Variants in RNF225 observed in about 807,000 individuals in gnomAD.
The protein encoded by RNF225 is ring finger protein 225.
For synonymous variants in RNF225, 295 were observed against 260.4 expected (o/e 1.13, Z -1.28); for missense variants, 510 against 509.8 (o/e 1.00, Z 0.00).
rs13343526 is a variant in RNF225 at position 58,396,783 on chromosome 19, C to G, written c.694C>G (p.Pro232Ala). The change falls in exon 1 of 1, where the codon CCG becomes GCG. Residue 232 changes from proline (P) to alanine (A), a missense_variant. Physicochemically the swap from Pro to Ala is conservative, Grantham distance 27. Transcript: ENST00000601382. ...CCCGCACGCCACCTCCTCCGGCCCCCCGCGGCCCCAGCTCGTGGCGCTCGC... is the reference window on the plus strand; with the variant it reads ...CCCGCACGCCACCTCCTCCGGCCCCGCGCGGCCCCAGCTCGTGGCGCTCGC... ...LIPHATSSGP[P>A]RPQLVALAPA... 1,333,055 of 1,514,604 alleles carry G rather than the reference C, an allele frequency of 0.88. 587,622 individuals carry two copies. Among genetic ancestry groups the G allele is most frequent in the East Asian group, 0.91 (34,559 of 37,998 alleles). 93.8% of individuals were successfully genotyped at this position (1,514,604 alleles called of 1,614,324 possible). A position where few individuals can be genotyped will look rare whatever the true frequency, so the allele number is the denominator to read the frequency against.
chr19:58,395,987 A>AC lies in RNF225; in HGVS notation c.-102dup. On this transcript the variant is annotated 5_prime_UTR_variant, in exon 1 of 1. Coordinates refer to ENST00000601382, the MANE Select transcript of RNF225 (RefSeq NM_001195135.2). ...TGTACTGGGGGATCCTCTCTAAAGTACAGTCCCCAGTCTTCCCTGGATTCC... is the reference window on the plus strand; with the variant it reads ...TGTACTGGGGGATCCTCTCTAAAGTACCAGTCCCCAGTCTTCCCTGGATTCC... The AC allele has an allele frequency of 5.1e-6, 6 of 1,176,848 alleles. No homozygotes were observed. The South Asian group carries it at 9.6e-5, about 19-fold the overall frequency. 72.9% of individuals were successfully genotyped at this position (1,176,848 alleles called of 1,614,324 possible).
rs941784099 is a variant in RNF225, at chr19:58,396,257, G to T, written c.168G>T (p.Leu56=). Residue 56 remains leucine (L), a synonymous_variant, in exon 1 of 1, where the codon CTG becomes CTT. Coordinates refer to ENST00000601382, the MANE Select transcript of RNF225 (RefSeq NM_001195135.2). ...GCAGCCCAGGCTCCGGCCCTATCCT[G>T]CCCCCCGCCTCCCCGGTGGAGTGCC... is the stretch of plus-strand genomic sequence containing the variant. ...GDGSPGSGPI[L]PPASPVECLI... The T allele has an allele frequency of 2.0e-5, 30 of 1,536,778 alleles. No individual in the cohort carries two copies. Among genetic ancestry groups the T allele is most frequent in the South Asian group, 2.4e-5 (2 of 84,134 alleles).
Position 58,395,959 on chromosome 19 carries a change from C to T in RNF225, c.-131C>T. 2 of 913,246 alleles carry T rather than the reference C, an allele frequency of 2.2e-6. No homozygotes were observed. Among genetic ancestry groups the T allele is most frequent in the Non-Finnish European group, 3.1e-6 (2 of 637,342 alleles). 56.6% of individuals were successfully genotyped at this position (913,246 alleles called of 1,614,324 possible). ...GCTACACCCTTCTCGGGATGGGGTG[C>T]TCTGTACTGGGGGATCCTCTCTAAA... On this transcript the variant is annotated 5_prime_UTR_variant, in exon 1 of 1. Transcript: ENST00000601382.
Position 58,396,734 on chromosome 19 carries a change from G to A in RNF225, c.645G>A (p.Ser215=). 2 of 1,505,614 alleles carry A rather than the reference G, an allele frequency of 1.3e-6. No individual in the cohort carries two copies. The highest frequency in any genetic ancestry group is 2.9e-5 in the African/African-American group (2 of 68,790). 93.3% of individuals were successfully genotyped at this position (1,505,614 alleles called of 1,614,324 possible). A position where few individuals can be genotyped will look rare whatever the true frequency, so the allele number is the denominator to read the frequency against. ...TGGTGGCCGCGGGCCTCGTGGTCTC[G>A]GGCGTCTACATCTTCTTCCTCATCC... ...AVLVAAGLVV[S]GVYIFFLIPH... Residue 215 remains serine, a synonymous_variant, in exon 1 of 1, where the codon TCG becomes TCA. Coordinates refer to ENST00000601382, the MANE Select transcript of RNF225 (RefSeq NM_001195135.2).
Position 58,395,745 on chromosome 19 carries a change from G to C in RNF225, c.-345G>C, listed in dbSNP as rs1287108812. Among the ~76,000 whole-genome samples, 3 of 148,374 alleles carry C rather than the reference G, an allele frequency of 2.0e-5. No homozygotes were observed. Among genetic ancestry groups the C allele is most frequent in the Admixed American group, 6.6e-5 (1 of 15,120 alleles). On this transcript the variant is annotated 5_prime_UTR_variant, in exon 1 of 1. Transcript: ENST00000601382. The stretch of plus-strand genomic sequence containing the variant: ...GCTGGCTGCGGTCTGTCATTACTCT[G>C]TGGGGGGTGCCTATCTCTGCTCCTC...
At position 58,397,075 on chromosome 19, in the gene RNF225, A is replaced by G. The variant is rs2052405818; in HGVS notation, c.986A>G (p.Gln329Arg). The change falls in exon 1 of 1, where the codon CAA (glutamine) becomes CGA (arginine). Residue 329 changes from glutamine (Q) to arginine (R), a missense_variant. Physicochemically the swap from Gln to Arg is conservative, Grantham distance 43. Transcript: ENST00000601382. ...PRGARRLWGS[Q>R] ...GGCGCGAGGAGGCTGTGGGGCTCAC[A>G]ATAAGTGCGCCAGTACTGCAGTCCT... 1.3e-6 allele frequency: 2 copies of G among 1,516,256 alleles called. No individual in the cohort carries two copies. The highest frequency in any genetic ancestry group is 2.5e-5 in the East Asian group (1 of 40,152). 93.9% of individuals were successfully genotyped at this position (1,516,256 alleles called of 1,614,324 possible). A position where few individuals can be genotyped will look rare whatever the true frequency, so the allele number is the denominator to read the frequency against.
In RNF225 at chr19:58,396,703, C is replaced by A; in HGVS notation, c.614C>A (p.Ala205Glu). Residue 205 changes from alanine (A) to glutamate (E), a missense_variant, in exon 1 of 1, where the codon GCG becomes GAG. Ala to Glu is a moderately radical substitution (Grantham distance 107). Transcript: ENST00000601382. ...AWVFNAAVALAVLVAAGLVVS... is the reference protein window; with the variant it reads ...AWVFNAAVALEVLVAAGLVVS... ...GTCTTCAACGCTGCCGTGGCGCTGGCGGTGCTGGTGGCCGCGGGCCTCGTG... is the reference window on the plus strand; with the variant it reads ...GTCTTCAACGCTGCCGTGGCGCTGGAGGTGCTGGTGGCCGCGGGCCTCGTG... The A allele has an allele frequency of 2.7e-6, 4 of 1,495,982 alleles. No homozygotes were observed. In the South Asian group the frequency reaches 3.7e-5, roughly 14 times the overall value. 92.7% of individuals were successfully genotyped at this position (1,495,982 alleles called of 1,614,324 possible). A position where few individuals can be genotyped will look rare whatever the true frequency, so the allele number is the denominator to read the frequency against.
Position 58,396,522 on chromosome 19 carries a change from G to C in RNF225, c.433G>C (p.Gly145Arg), listed in dbSNP as rs2052400747. The change falls in exon 1 of 1, where the codon GGC becomes CGC. Residue 145 changes from glycine (G) to arginine (R), a missense_variant. Coordinates refer to ENST00000601382, the MANE Select transcript of RNF225 (RefSeq NM_001195135.2). Reference sequence around the variant, plus strand: ...CGCGCGCGCACCGCCCTCTCGCCAGGGCTCCGTGCGCTTCGACCGGCGCCG... The same window carrying C: ...CGCGCGCGCACCGCCCTCTCGCCAGCGCTCCGTGCGCTTCGACCGGCGCCG... ...RDARAPPSRQ[G>R]SVRFDRRRGL... 1 of 1,231,208 alleles carries C rather than the reference G, an allele frequency of 8.1e-7. No homozygotes were observed. The highest frequency in any genetic ancestry group is 1.0e-6 in the Non-Finnish European group (1 of 986,892). The allele number at this position is 1,231,208 out of a possible 1,614,324, so 76.3% of individuals were successfully genotyped here.
Position 58,395,668 on chromosome 19 carries a change from C to G in RNF225, c.-422C>G, listed in dbSNP as rs559712259. Among the ~76,000 whole-genome samples the G allele has an allele frequency of 6.6e-5, 10 of 152,112 alleles. No homozygotes were observed. The East Asian group carries it at 1.9e-3, about 29-fold the overall frequency. On this transcript the variant is annotated 5_prime_UTR_variant, in exon 1 of 1. Coordinates refer to ENST00000601382, the MANE Select transcript of RNF225 (RefSeq NM_001195135.2). Reference sequence around the variant, plus strand: ...CTGGCAGGCCAGGAACAGACAGGGACACGCCACTGGCCAGAGGGAGGAGGC... The same window carrying G: ...CTGGCAGGCCAGGAACAGACAGGGAGACGCCACTGGCCAGAGGGAGGAGGC...
In RNF225 at chr19:58,396,541, G is replaced by A. The variant is rs1476471574; in HGVS notation, c.452G>A (p.Arg151Gln). ...CGCCAGGGCTCCGTGCGCTTCGACCGGCGCCGCGGCCTTCTCTACCTGCGG... is the reference window on the plus strand; with the variant it reads ...CGCCAGGGCTCCGTGCGCTTCGACCAGCGCCGCGGCCTTCTCTACCTGCGG... ...PSRQGSVRFD[R>Q]RRGLLYLRPP... is the part of the protein sequence containing the mutation. The change falls in exon 1 of 1, where the codon CGG becomes CAG. Residue 151 changes from arginine to glutamine, a missense_variant. Coordinates refer to ENST00000601382, the MANE Select transcript of RNF225 (RefSeq NM_001195135.2). 8 of 1,174,508 alleles carry A rather than the reference G, an allele frequency of 6.8e-6. No individual in the cohort carries two copies. The highest frequency in any genetic ancestry group is 8.4e-6 in the Non-Finnish European group (8 of 953,130). 72.8% of individuals were successfully genotyped at this position (1,174,508 alleles called of 1,614,324 possible). A position where few individuals can be genotyped will look rare whatever the true frequency, so the allele number is the denominator to read the frequency against.
Position 58,397,060 on chromosome 19 carries a change from G to T in RNF225, c.971G>T (p.Arg324Met). Residue 324 changes from arginine to methionine, a missense_variant, in exon 1 of 1, where the codon AGG becomes ATG. Transcript: ENST00000601382. Reference protein sequence around the residue: ...GWAPWPRGARRLWGSQ With the variant: ...GWAPWPRGARMLWGSQ ...GCCCCGTGGCCACGGGGCGCGAGGAGGCTGTGGGGCTCACAATAAGTGCGC... is the reference window on the plus strand; with the variant it reads ...GCCCCGTGGCCACGGGGCGCGAGGATGCTGTGGGGCTCACAATAAGTGCGC... The T allele has an allele frequency of 6.6e-7, 1 of 1,522,280 alleles. No homozygotes were observed. The highest frequency in any genetic ancestry group is 8.8e-7 in the Non-Finnish European group (1 of 1,141,886). The allele number at this position is 1,522,280 out of a possible 1,614,324, so 94.3% of individuals were successfully genotyped here. A position where few individuals can be genotyped will look rare whatever the true frequency, so the allele number is the denominator to read the frequency against.
chr19:58,396,031 G>A lies in RNF225; in HGVS notation c.-59G>A, dbSNP rs889785301. ...GGATTCCCTGCTGGTCTCAGAACCC[G>A]CTCCAGGCTCCACCGCCTCCTTCCC... is the stretch of plus-strand genomic sequence containing the variant. On this transcript the variant is annotated 5_prime_UTR_variant, in exon 1 of 1. Coordinates refer to ENST00000601382, the MANE Select transcript of RNF225 (RefSeq NM_001195135.2). 15 of 1,446,714 alleles carry A rather than the reference G, an allele frequency of 1.0e-5. No individual in the cohort carries two copies. Among genetic ancestry groups the A allele is most frequent in the African/African-American group, 8.6e-5 (6 of 69,886 alleles). 89.6% of individuals were successfully genotyped at this position (1,446,714 alleles called of 1,614,324 possible). A position where few individuals can be genotyped will look rare whatever the true frequency, so the allele number is the denominator to read the frequency against.
At position 58,397,057 on chromosome 19, in the gene RNF225, G is replaced by A. The variant is rs2052405733; in HGVS notation, c.968G>A (p.Arg323Lys). Residue 323 changes from arginine (R) to lysine (K), a missense_variant, in exon 1 of 1, where the codon AGG becomes AAG. By Grantham distance (26) the Arg-to-Lys change is conservative (BLOSUM62 2). Transcript: ENST00000601382. ...PGWAPWPRGARRLWGSQ is the reference protein window; with the variant it reads ...PGWAPWPRGAKRLWGSQ ...TGGGCCCCGTGGCCACGGGGCGCGA[G>A]GAGGCTGTGGGGCTCACAATAAGTG... The A allele has an allele frequency of 1.3e-6, 2 of 1,524,580 alleles. No homozygotes were observed. The highest frequency in any genetic ancestry group is 1.8e-6 in the Non-Finnish European group (2 of 1,142,740). The allele number at this position is 1,524,580 out of a possible 1,614,324, so 94.4% of individuals were successfully genotyped here. A position where few individuals can be genotyped will look rare whatever the true frequency, so the allele number is the denominator to read the frequency against.
rs769068406 is a variant in RNF225 at position 58,396,528 on chromosome 19, G to A, written c.439G>A (p.Val147Met). The A allele has an allele frequency of 2.8e-5, 34 of 1,218,926 alleles. No individual in the cohort carries two copies. The South Asian group carries it at 9.1e-4, about 33-fold the overall frequency. 75.5% of individuals were successfully genotyped at this position (1,218,926 alleles called of 1,614,324 possible). A position where few individuals can be genotyped will look rare whatever the true frequency, so the allele number is the denominator to read the frequency against. Residue 147 changes from valine (V) to methionine (M), a missense_variant, in exon 1 of 1, where the codon GTG becomes ATG. Val to Met is a conservative substitution (Grantham distance 21). Coordinates refer to ENST00000601382, the MANE Select transcript of RNF225 (RefSeq NM_001195135.2). ...ARAPPSRQGS[V>M]RFDRRRGLLY... ...CGCACCGCCCTCTCGCCAGGGCTCC[G>A]TGCGCTTCGACCGGCGCCGCGGCCT...
In RNF225 at chr19:58,396,042, C is replaced by T. The variant is rs1478433276; in HGVS notation, c.-48C>T. On this transcript the variant is annotated 5_prime_UTR_variant, in exon 1 of 1. Transcript: ENST00000601382. ...TGGTCTCAGAACCCGCTCCAGGCTC[C>T]ACCGCCTCCTTCCCTGCCTGACCTC... is the stretch of plus-strand genomic sequence containing the variant. The T allele has an allele frequency of 6.8e-7, 1 of 1,462,662 alleles. No individual in the cohort carries two copies. Among genetic ancestry groups the T allele is most frequent in the Non-Finnish European group, 9.0e-7 (1 of 1,114,202 alleles). The allele number at this position is 1,462,662 out of a possible 1,614,324, so 90.6% of individuals were successfully genotyped here.
chr19:58,396,973 C>G lies in RNF225; in HGVS notation c.884C>G (p.Ala295Gly). The change falls in exon 1 of 1, where the codon GCC becomes GGC. Residue 295 changes from alanine (A) to glycine (G), a missense_variant. Coordinates refer to ENST00000601382, the MANE Select transcript of RNF225 (RefSeq NM_001195135.2). The stretch of plus-strand genomic sequence containing the variant: ...GCGGGCCCCGAGGACCCGGCGGAGG[C>G]CGAGAGGACGCTGGACAGGCGATCG... Reference protein sequence around the residue: ...PEAGPEDPAEAERTLDRRSDG... With the variant: ...PEAGPEDPAEGERTLDRRSDG... The G allele has an allele frequency of 6.5e-7, 1 of 1,534,194 alleles. No homozygotes were observed. Among genetic ancestry groups the G allele is most frequent in the Non-Finnish European group, 8.7e-7 (1 of 1,146,410 alleles).
rs1414685127 is a variant in RNF225 at position 58,396,293 on chromosome 19, G to A, written c.204G>A (p.Val68=). Residue 68 remains valine (V), a synonymous_variant, in exon 1 of 1, where the codon GTG becomes GTA. Transcript: ENST00000601382. ...CCCCGGTGGAGTGCCTCATCTGCGT[G>A]TCGTCCTTCGACGGCGTGTTCAAGC... ...PASPVECLIC[V]SSFDGVFKLP... is the part of the protein sequence containing the mutation. The A allele has an allele frequency of 6.5e-7, 1 of 1,535,966 alleles. No individual in the cohort carries two copies. Among genetic ancestry groups the A allele is most frequent in the Non-Finnish European group, 8.7e-7 (1 of 1,146,872 alleles).
rs61741018 is a variant in RNF225 at position 58,396,813 on chromosome 19, G to C, written c.724G>C (p.Ala242Pro). The part of the protein sequence containing the change: ...PRPQLVALAP[A>P]PGFSWFPPRP... ...GCCCCAGCTCGTGGCGCTCGCTCCAGCGCCTGGCTTCTCTTGGTTTCCGCC... is the reference window on the plus strand; with the variant it reads ...GCCCCAGCTCGTGGCGCTCGCTCCACCGCCTGGCTTCTCTTGGTTTCCGCC... The change falls in exon 1 of 1, where the codon GCG (alanine) becomes CCG (proline). Residue 242 changes from alanine to proline, a missense_variant. Transcript: ENST00000601382. The C allele has an allele frequency of 0.013, 20,149 of 1,521,238 alleles. 2,222 individuals carry two copies. In the African/African-American group the frequency reaches 0.24, roughly 18 times the overall value. The allele number at this position is 1,521,238 out of a possible 1,614,324, so 94.2% of individuals were successfully genotyped here.
Position 58,396,542 on chromosome 19 carries a change from G to A in RNF225, c.453G>A (p.Arg151=). The change falls in exon 1 of 1, where the codon CGG becomes CGA. Residue 151 remains arginine, a synonymous_variant. Transcript: ENST00000601382. ...GCCAGGGCTCCGTGCGCTTCGACCG[G>A]CGCCGCGGCCTTCTCTACCTGCGGC... ...PSRQGSVRFD[R]RRGLLYLRPP... The A allele has an allele frequency of 8.5e-7, 1 of 1,174,796 alleles. No individual in the cohort carries two copies. Among genetic ancestry groups the A allele is most frequent in the Non-Finnish European group, 1.0e-6 (1 of 953,226 alleles). 72.8% of individuals were successfully genotyped at this position (1,174,796 alleles called of 1,614,324 possible). A position where few individuals can be genotyped will look rare whatever the true frequency, so the allele number is the denominator to read the frequency against.
Sources: allele counts gnomAD v4.1 joint callset (sites outside exome capture counted in the v4.1 genomes callset), GRCh38; gene constraint gnomAD v4.1.1; transcripts MANE v1.5; gene names NCBI Gene and HGNC (gene_info 2026-07-23, HGNC 2026-07-21).